ARHGAP12: variants seen among roughly 807,000 people sequenced by gnomAD.
ARHGAP12 encodes the protein Rho GTPase activating protein 12.
A neutral mutation model predicts 108.6 loss-of-function variants in ARHGAP12; 64 were observed. The ratio of observed to expected loss-of-function variants is 0.59; its 90% CI spans 0.48 to 0.73. ARHGAP12 has a LOEUF of 0.73. Ranked by LOEUF, ARHGAP12 falls within the 30% of genes least tolerant of loss-of-function variation. ARHGAP12 has a pLI of 0.00. For missense variants in ARHGAP12, 940 were observed against 1,005.9 expected, an observed-to-expected ratio of 0.93 and a Z score of 0.89; for synonymous variants, 312 against 337.2, an observed-to-expected ratio of 0.93 and a Z score of 0.82.
intron 16 of ARHGAP12, among the ~76,000 whole-genome samples, chr10:31,810,066 A>T (rs1834958663): frequency 6.6e-6 from 1 of 152,150 alleles, no homozygotes; most frequent in Non-Finnish European, 1.5e-5. Flanking sequence ...AATTGTACAA[A>T]ATCTCTTTCA....
intron 6 of ARHGAP12, among the ~76,000 whole-genome samples, chr10:31,844,697 C>CTTT (rs369721681): frequency 3.9e-5 from 5 of 128,648 alleles, no homozygotes; most frequent in Non-Finnish European, 4.9e-5. Flanking sequence ...GCACACTTGG[C>CTTT]TTTTTTTTTT....
At chr10:31,915,951 G>A (rs1049719712) in intron 1 of ARHGAP12, among the ~76,000 whole-genome samples, 1 of 152,088 alleles carries the variant, frequency 6.6e-6, no homozygotes, top group Non-Finnish European at 1.5e-5. Context: ...TAAAACAAAC[G>A]TTTACAGTTT....
At chr10:31,915,896 G>A (rs1839535677) in intron 1 of ARHGAP12, among the ~76,000 whole-genome samples, 1 of 152,186 alleles carries the variant, frequency 6.6e-6, no homozygotes, top group Non-Finnish European at 1.5e-5. Context: ...ATCTACAAAT[G>A]TGTGAATAAT....
intron 3 of ARHGAP12, among the ~76,000 whole-genome samples, chr10:31,886,214 T>A (rs1050370824): frequency 2.0e-5 from 3 of 152,196 alleles, no homozygotes; most frequent in Non-Finnish European, 4.4e-5. Flanking sequence ...TCACCTAGAT[T>A]AGCAAATTCT....
chr10:31,816,001 C>G (rs895975293), intron 13 of ARHGAP12, among the ~76,000 whole-genome samples: 2 of 151,782 alleles, frequency 1.3e-5, no homozygotes, highest in Non-Finnish European at 2.9e-5. Context: ...AATACAAAAA[C>G]TTAGGCAGGT....
intron 3 of ARHGAP12, among the ~76,000 whole-genome samples, chr10:31,883,306 A>G (rs1015160396): frequency 2.0e-5 from 3 of 152,166 alleles, no homozygotes; most frequent in Non-Finnish European, 4.4e-5. Context: ...AAAAAAAAAG[A>G]AATACCTACT....
At chr10:31,819,068 A>T (rs541953382) in intron 12 of ARHGAP12, among the ~76,000 whole-genome samples, 18 of 152,020 alleles carry the variant, frequency 1.2e-4, no homozygotes, top group Non-Finnish European at 2.4e-4. Flanking sequence ...AAAACAAAAA[A>T]ATTGTAATTA....
At chr10:31,890,500 C>T (rs932433909) in intron 3 of ARHGAP12, among the ~76,000 whole-genome samples, 8 of 152,154 alleles carry the variant, frequency 5.3e-5, no homozygotes, top group Non-Finnish European at 8.8e-5. Context: ...AGATTCCTAA[C>T]TTTAGACATG....
At chr10:31,897,287 C>T (rs925461595) in intron 3 of ARHGAP12, among the ~76,000 whole-genome samples, 3 of 152,200 alleles carry the variant, frequency 2.0e-5, no homozygotes, top group African/African-American at 7.2e-5. Flanking sequence ...ACTTCCCAGA[C>T]TCCACATCCC....
In ARHGAP12 at chr10:31,894,868, C is replaced by A. The variant is rs1395278347; in HGVS notation, c.684+13304G>T. ...AAACTATACTACAAGGCTACAGTAA[C>A]CAAAACAGCATGGTACTGGTACCAA... On this transcript the variant is annotated intron_variant, in intron 3 of 19. Coordinates refer to ENST00000344936, the MANE Select transcript of ARHGAP12 (RefSeq NM_018287.7). 2.0e-5 allele frequency among the ~76,000 whole-genome samples: 3 copies of A among 152,260 alleles called. No individual in the cohort carries two copies. In the East Asian group the frequency reaches 5.8e-4, roughly 29 times the overall value.
intron 16 of ARHGAP12, 22 bp downstream of exon 16, chr10:31,810,627 A>T (rs765466659): frequency 1.3e-6 from 2 of 1,521,724 alleles, no homozygotes; most frequent in Admixed American, 2.3e-5. Context: ...GTTAAAAAAA[A>T]AAATCAAAAT....
chr10:31,907,059 CA>C (rs772508119), intron 3 of ARHGAP12, among the ~76,000 whole-genome samples: 16 of 152,032 alleles, frequency 1.1e-4, no homozygotes, highest in Non-Finnish European at 1.9e-4. Flanking sequence ...ATTTCCATTC[CA>C]AAATGTCACA....
At chr10:31,896,228 T>C (rs181875621) in intron 3 of ARHGAP12, among the ~76,000 whole-genome samples, 10 of 148,162 alleles carry the variant, frequency 6.7e-5, no homozygotes, top group African/African-American at 2.5e-4. Flanking sequence ...CCCAAGAACT[T>C]AAAGTATAAT....
At chr10:31,828,666 G>A (rs1004177085) in intron 10 of ARHGAP12, among the ~76,000 whole-genome samples, 1 of 152,030 alleles carries the variant, frequency 6.6e-6, no homozygotes, top group East Asian at 1.9e-4. Context: ...AAGCACTTGC[G>A]TGACTTAGTT....
intron 6 of ARHGAP12, among the ~76,000 whole-genome samples, chr10:31,845,272 T>G (rs950925294): frequency 7.9e-5 from 12 of 152,318 alleles, no homozygotes; most frequent in African/African-American, 2.4e-4. Flanking sequence ...TCTCTTGGGA[T>G]TTTCTAATAA....
chr10:31,811,402 T>C (rs76774016), intron 15 of ARHGAP12, among the ~76,000 whole-genome samples: 3,633 of 152,316 alleles, frequency 0.024, 156 homozygotes, highest in African/African-American at 0.081. Context: ...GTTTTGAAAT[T>C]CCATATTAGT....
intron 14 of ARHGAP12, among the ~76,000 whole-genome samples, chr10:31,813,661 T>C (rs78971289): frequency 0.022 from 3,284 of 152,202 alleles, 130 homozygotes; most frequent in African/African-American, 0.075. Context: ...TTTGTTAAAA[T>C]AGACTGAACA....
chr10:31,871,344 A>T (rs1198564227), intron 3 of ARHGAP12, among the ~76,000 whole-genome samples: 1 of 151,866 alleles, frequency 6.6e-6, no homozygotes, highest in Admixed American at 6.6e-5. Flanking sequence ...TGCCTTACTG[A>T]TTTTTTTTCA....
intron 5 of ARHGAP12, 36 bp downstream of exon 5, chr10:31,854,030 T>C: frequency 6.3e-7 from 1 of 1,578,084 alleles, no homozygotes; most frequent in Non-Finnish European, 8.6e-7. Context: ...GAGAGAATTC[T>C]GCCAAAAAAC....
Sources: gnomAD v4.1 joint callset for allele counts (sites outside exome capture counted in the v4.1 genomes callset) on GRCh38, gnomAD v4.1.1 for gene constraint, MANE v1.5 for transcripts, NCBI Gene and HGNC (gene_info 2026-07-23, HGNC 2026-07-21) for gene names.